GPC6: variants seen among roughly 807,000 people sequenced by gnomAD.
GPC6 encodes the protein glypican 6, also known as glypican-6.
GPC6 carries 14 observed loss-of-function variants against 55.2 expected under a neutral mutation model. That is an observed-to-expected ratio of 0.25 (90% CI 0.17 to 0.40). The LOEUF is 0.40. Among genes scored for constraint, GPC6 ranks in the 10% least tolerant of loss-of-function variants. The pLI, the probability that GPC6 is intolerant of heterozygous loss-of-function variation, is 1.00. For synonymous variants in GPC6, 278 were observed against 259.6 expected, an observed-to-expected ratio of 1.07 and a Z score of -0.68; for missense variants, 641 against 708.5, an observed-to-expected ratio of 0.90 and a Z score of 1.08.
intron 6 of GPC6, among the ~76,000 whole-genome samples, chr13:94,355,027 CT>C (rs5805858): frequency 0.5 from 72,997 of 145,622 alleles, 18,415 homozygotes; most frequent in East Asian, 0.86. Context: ...AGTGGCTCTT[CT>C]TTTTTTTTTT....
At chr13:93,964,870 G>A (rs999309579) in intron 3 of GPC6, among the ~76,000 whole-genome samples, 1 of 151,862 alleles carries the variant, frequency 6.6e-6, no homozygotes, top group Non-Finnish European at 1.5e-5. Context: ...ATTCTGTTCC[G>A]CTGACTTCTA....
chr13:94,382,631 C>A (rs1594227346), intron 7 of GPC6, 81 bp downstream of exon 7: 5 of 1,570,254 alleles, frequency 3.2e-6, no homozygotes, highest in Middle Eastern at 4.2e-4. Flanking sequence ...ACTCTACAAA[C>A]CTGTTTATGC....
rs538577802 is a variant in GPC6, at chr13:93,615,127, C to T, written c.319+69706C>T. ...AAATTTTTTCTCAAAAGTTTACTTT[C>T]TAAGAAATCAGTGTAGACCAATAAA... On this transcript the variant is annotated intron_variant, in intron 2 of 8. Coordinates refer to ENST00000377047, the MANE Select transcript of GPC6 (RefSeq NM_005708.5). 1.7e-4 allele frequency among the ~76,000 whole-genome samples: 26 copies of T among 152,140 alleles called. No individual in the cohort carries two copies. In the South Asian group the frequency reaches 5.2e-3, roughly 30 times the overall value.
At chr13:94,291,269 A>G (rs555060532) in intron 5 of GPC6, among the ~76,000 whole-genome samples, 40 of 152,344 alleles carry the variant, frequency 2.6e-4, no homozygotes, top group African/African-American at 9.1e-4. Flanking sequence ...GAGAGGACAC[A>G]GGACCAAGGG....
At chr13:93,869,484 T>C (rs1889063461) in intron 3 of GPC6, among the ~76,000 whole-genome samples, 5 of 151,820 alleles carry the variant, frequency 3.3e-5, no homozygotes, top group Admixed American at 3.3e-4. Flanking sequence ...CAATCAGTCA[T>C]TTGATGTAGA....
intron 4 of GPC6, among the ~76,000 whole-genome samples, chr13:94,234,269 T>G (rs1185701562): frequency 1.3e-5 from 2 of 152,192 alleles, no homozygotes; most frequent in Non-Finnish European, 1.5e-5. Context: ...AGGGTAAGGA[T>G]GTACTGTGAA....
At chr13:93,618,908 T>G (rs1439447077) in intron 2 of GPC6, among the ~76,000 whole-genome samples, 1 of 152,144 alleles carries the variant, frequency 6.6e-6, no homozygotes, top group Non-Finnish European at 1.5e-5. Flanking sequence ...TGAGTATACA[T>G]CTACAAACCT....
At chr13:93,506,953 CG>C (rs1566394454) in intron 1 of GPC6, among the ~76,000 whole-genome samples, 1 of 146,506 alleles carries the variant, frequency 6.8e-6, no homozygotes, top group African/African-American at 2.5e-5. Flanking sequence ...CCCAGCTACT[CG>C]GGAGGCTGAG....
At chr13:93,223,435 T>A (rs1875672775), upstream of GPC6, among the ~76,000 whole-genome samples, 1 of 152,116 alleles carries the variant, frequency 6.6e-6, no homozygotes, top group Admixed American at 6.6e-5. Context: ...TTGTCTTGTT[T>A]TTGTTGTTGT....
intron 4 of GPC6, among the ~76,000 whole-genome samples, chr13:94,255,668 A>G (rs1891482280): frequency 6.6e-6 from 1 of 152,036 alleles, no homozygotes; most frequent in Non-Finnish European, 1.5e-5. Flanking sequence ...TCATAACTTC[A>G]GCTCCAGCCA....
At chr13:93,452,234 TA>T (rs1878255482) in intron 1 of GPC6, among the ~76,000 whole-genome samples, 1 of 152,246 alleles carries the variant, frequency 6.6e-6, no homozygotes, top group African/African-American at 2.4e-5. Flanking sequence ...TAGCATCTCA[TA>T]CTATTTTCAG....
At chr13:93,231,396 T>TATATATATATATATAC (rs1491170403) in intron 1 of GPC6, among the ~76,000 whole-genome samples, 1 of 27,082 alleles carries the variant, frequency 3.7e-5, no homozygotes, top group African/African-American at 1.8e-4. Flanking sequence ...TATATATATA[T>TATATATATATATATAC]GTATATATAT....
At chr13:93,234,025 A>G (rs1341965920) in intron 1 of GPC6, among the ~76,000 whole-genome samples, 1 of 152,150 alleles carries the variant, frequency 6.6e-6, no homozygotes, top group Non-Finnish European at 1.5e-5. Context: ...CATTTAGAGC[A>G]TGTTTGCCTT....
intron 1 of GPC6, among the ~76,000 whole-genome samples, chr13:93,248,893 G>T (rs1015841120): frequency 7.2e-5 from 11 of 152,180 alleles, no homozygotes; most frequent in African/African-American, 2.4e-4. Flanking sequence ...TTGCTCCATG[G>T]CTTTCATAGC....
chr13:93,383,261 G>C (rs543065469), intron 1 of GPC6, among the ~76,000 whole-genome samples: 2 of 152,158 alleles, frequency 1.3e-5, no homozygotes, highest in Non-Finnish European at 2.9e-5. Context: ...GTCCAGGCTG[G>C]AATGCAGTGG....
At chr13:93,929,139 A>G (rs535565261) in intron 3 of GPC6, among the ~76,000 whole-genome samples, 1 of 152,234 alleles carries the variant, frequency 6.6e-6, no homozygotes, top group Admixed American at 6.5e-5. Flanking sequence ...TGCTTTCATG[A>G]TTCATACCTG....
intron 8 of GPC6, 136 bp from the exon 9 acceptor site, chr13:94,402,879 T>C (rs923213667): frequency 2.2e-5 from 17 of 782,112 alleles, no homozygotes; most frequent in East Asian, 7.3e-5. Flanking sequence ...ACCACCATGA[T>C]TGAATTACCT....
At chr13:93,786,771 T>C (rs1240601971) in intron 2 of GPC6, among the ~76,000 whole-genome samples, 1 of 152,186 alleles carries the variant, frequency 6.6e-6, no homozygotes, top group African/African-American at 2.4e-5. Context: ...ATTATATATA[T>C]ATGCAGAAGA....
intron 1 of GPC6, among the ~76,000 whole-genome samples, chr13:93,465,241 C>T (rs1878862295): frequency 6.6e-6 from 1 of 152,198 alleles, no homozygotes; most frequent in African/African-American, 2.4e-5. Flanking sequence ...GCATTAGCCT[C>T]TAAAAAGAGA....
Sources: allele counts gnomAD v4.1 joint callset (sites outside exome capture counted in the v4.1 genomes callset), GRCh38; gene constraint gnomAD v4.1.1; transcripts MANE v1.5; gene names NCBI Gene and HGNC (gene_info 2026-07-23, HGNC 2026-07-21).